UGT2B7: variants seen among roughly 807,000 people sequenced by gnomAD.
UGT2B7 encodes UDP-glucuronosyltransferase 2B7.
A neutral mutation model predicts 51.9 loss-of-function variants in UGT2B7; 51 were observed. That is an observed-to-expected ratio of 0.98 (90% CI 0.78 to 1.24). The LOEUF is 1.24. UGT2B7 is among the 50% of genes most tolerant of loss of function. UGT2B7 has a pLI of 0.00. For synonymous variants in UGT2B7, 225 were observed against 211.6 expected (o/e 1.06, Z -0.55); for missense variants, 727 against 628.4 (o/e 1.16, Z -1.68).
chr4:69,072,385 C>T (rs1352322168), intron 1 of UGT2B7, among the ~76,000 whole-genome samples: 1 of 152,082 alleles, frequency 6.6e-6, no homozygotes, highest in Non-Finnish European at 1.5e-5. Context: ...ATATGAAGCA[C>T]TACAGAAGTT....
At chr4:69,067,936 A>C (rs924481203) in intron 1 of UGT2B7, among the ~76,000 whole-genome samples, 4 of 152,076 alleles carry the variant, frequency 2.6e-5, no homozygotes, top group African/African-American at 9.7e-5. Flanking sequence ...GAAAACCATA[A>C]ATATTATTAC....
chr4:69,096,355 G>T, upstream of UGT2B7: 12 of 1,067,082 alleles, frequency 1.1e-5, no homozygotes, highest in Non-Finnish European at 1.6e-5. Flanking sequence ...ACCTTCATTT[G>T]TCTCTTTGCC....
chr4:69,105,364 C>A (rs1382051481), intron 3 of UGT2B7, among the ~76,000 whole-genome samples: 1 of 152,146 alleles, frequency 6.6e-6, no homozygotes, highest in Non-Finnish European at 1.5e-5. Context: ...CTTGTAATGA[C>A]CTCTTCCAAC....
At chr4:69,098,293 T>C (rs1296004954) in intron 1 of UGT2B7, among the ~76,000 whole-genome samples, 1 of 152,090 alleles carries the variant, frequency 6.6e-6, no homozygotes, top group Non-Finnish European at 1.5e-5. Flanking sequence ...ATGAGCATAC[T>C]GATGCGACAT....
chr4:69,107,411 G>T (rs1259514795), intron 4 of UGT2B7, 149 bp downstream of exon 4: 2 of 928,582 alleles, frequency 2.2e-6, no homozygotes, highest in African/African-American at 2.9e-5. Context: ...AAGGGAGAAA[G>T]AATACATTAT....
chr4:69,078,140 T>C (rs1718757362), intron 1 of UGT2B7, among the ~76,000 whole-genome samples: 1 of 152,150 alleles, frequency 6.6e-6, no homozygotes, highest in Non-Finnish European at 1.5e-5. Flanking sequence ...GCATCACAAA[T>C]ATGAAGCTGA....
chr4:69,085,461 T>C (rs904058013), intron 1 of UGT2B7, among the ~76,000 whole-genome samples: 1 of 152,158 alleles, frequency 6.6e-6, no homozygotes, highest in Non-Finnish European at 1.5e-5. Flanking sequence ...AGAAGCTCTT[T>C]AGTTTAATTA....
At chr4:69,084,514 T>C (rs1215322039) in intron 1 of UGT2B7, among the ~76,000 whole-genome samples, 4 of 149,090 alleles carry the variant, frequency 2.7e-5, no homozygotes, top group Admixed American at 6.6e-5. Context: ...GTTTGATACA[T>C]AGGTATACAT....
intron 1 of UGT2B7, among the ~76,000 whole-genome samples, chr4:69,075,634 GA>G (rs1375158335): frequency 6.6e-6 from 1 of 152,106 alleles, no homozygotes; most frequent in Non-Finnish European, 1.5e-5. Flanking sequence ...ATCAGCCTGA[GA>G]AATACTGTGT....
chr4:69,061,876 A>G lies in UGT2B7; in HGVS notation c.-159+10274A>G, dbSNP rs568682156. Among the ~76,000 whole-genome samples, 15 of 152,236 alleles carry G rather than the reference A, an allele frequency of 9.9e-5. No homozygotes were observed. The South Asian group carries it at 3.1e-3, about 32-fold the overall frequency. On this transcript the variant is annotated intron_variant, in intron 1 of 5. Coordinates refer to the UGT2B7 transcript ENST00000502942. ...TTGCCCCAAGCAGGGGTCTATAGGT[A>G]CATTTTGGTGCTTGTCTGTACCTTT...
At chr4:69,094,131 T>C (rs200141882), upstream of UGT2B7, among the ~76,000 whole-genome samples, 3 of 20,460 alleles carry the variant, frequency 1.5e-4, no homozygotes, top group Non-Finnish European at 2.1e-4. Context: ...TTTGGTTTCT[T>C]TTTTTTTTTT....
intron 1 of UGT2B7, among the ~76,000 whole-genome samples, chr4:69,086,351 C>T (rs911648366): frequency 6.6e-6 from 1 of 151,610 alleles, no homozygotes; most frequent in African/African-American, 2.4e-5. Context: ...AAAATTGACA[C>T]CATTTTGATT....
chr4:69,083,714 T>C (rs2109875155), intron 1 of UGT2B7, among the ~76,000 whole-genome samples: 1 of 152,254 alleles, frequency 6.6e-6, no homozygotes, highest in Admixed American at 6.6e-5. Flanking sequence ...ACACAACTGA[T>C]TTTTGGGTGA....
chr4:69,072,842 CT>C (rs906800770), intron 1 of UGT2B7, among the ~76,000 whole-genome samples: 3 of 152,114 alleles, frequency 2.0e-5, no homozygotes, highest in African/African-American at 7.2e-5. Context: ...AAATTGAAAA[CT>C]TGTAAAGCAT....
intron 3 of UGT2B7, among the ~76,000 whole-genome samples, chr4:69,104,460 T>C (rs1240534290): frequency 1.3e-5 from 2 of 152,076 alleles, no homozygotes; most frequent in Non-Finnish European, 2.9e-5. Flanking sequence ...AAAATAAACT[T>C]TATGGATATG....
At chr4:69,088,162 A>G (rs143742887) in intron 1 of UGT2B7, among the ~76,000 whole-genome samples, 1,553 of 151,990 alleles carry the variant, frequency 0.01, 26 homozygotes, top group African/African-American at 0.036. Flanking sequence ...GGGTAATTAC[A>G]TATGTTTTAT....
At chr4:69,086,329 C>T (rs1223899146) in intron 1 of UGT2B7, among the ~76,000 whole-genome samples, 1 of 151,434 alleles carries the variant, frequency 6.6e-6, no homozygotes, top group Non-Finnish European at 1.5e-5. Flanking sequence ...TAGTTTTATT[C>T]CATTGTGGAA....
intron 2 of UGT2B7, among the ~76,000 whole-genome samples, chr4:69,091,466 G>T (rs759413016): frequency 2.0e-5 from 3 of 151,872 alleles, no homozygotes; most frequent in African/African-American, 4.8e-5. Context: ...ATTTTTTAAA[G>T]GTTGGAACAA....
chr4:69,089,207 C>G (rs924769360), intron 1 of UGT2B7, among the ~76,000 whole-genome samples: 1 of 152,106 alleles, frequency 6.6e-6, no homozygotes, highest in African/African-American at 2.4e-5. Context: ...TAGCTATCTA[C>G]CAAATATTAA....
Sources: gnomAD v4.1 joint callset for allele counts (sites outside exome capture counted in the v4.1 genomes callset) on GRCh38, gnomAD v4.1.1 for gene constraint, MANE v1.5 for transcripts, NCBI Gene and HGNC (gene_info 2026-07-23, HGNC 2026-07-21) for gene names.